Variants in COL21A1 observed in about 807,000 individuals in gnomAD.
The protein encoded by COL21A1 is collagen alpha-1(XXI) chain.
In COL21A1, 149 loss-of-function variants were observed where a neutral mutation model predicts 137.9. The ratio of observed to expected loss-of-function variants is 1.08; its 90% confidence interval spans 0.95 to 1.24. The LOEUF is 1.24. Ranked by LOEUF, COL21A1 falls within the 50% of genes most tolerant of loss-of-function variation. The probability of loss-of-function intolerance (pLI) is 0.00; values close to 1 mark genes in which losing one functional copy is unlikely to be tolerated. For missense variants in COL21A1, 1,167 were observed against 1,158.4 expected, an observed-to-expected ratio of 1.01 and a Z score of -0.11; for synonymous variants, 456 against 391.5, an observed-to-expected ratio of 1.16 and a Z score of -1.95.
At chr6:56,321,788 C>A (rs1313712502) in intron 1 of COL21A1, among the ~76,000 whole-genome samples, 1 of 152,074 alleles carries the variant, frequency 6.6e-6, no homozygotes, top group South Asian at 2.1e-4. Context: ...CGAAGTTGAA[C>A]CCCCTTACAT....
intron 1 of COL21A1, among the ~76,000 whole-genome samples, chr6:56,233,189 CA>C (rs1277467709): frequency 2.6e-5 from 4 of 151,770 alleles, no homozygotes; most frequent in Non-Finnish European, 5.9e-5. Context: ...AAGAAGCAGC[CA>C]TATCCAATAA....
At chr6:56,190,807 T>C (rs1778620398) in intron 1 of COL21A1, among the ~76,000 whole-genome samples, 1 of 152,132 alleles carries the variant, frequency 6.6e-6, no homozygotes, top group Non-Finnish European at 1.5e-5. Flanking sequence ...ATAAATGTGA[T>C]TCATCACATA....
At chr6:56,205,029 G>A (rs186570502) in intron 1 of COL21A1, among the ~76,000 whole-genome samples, 7 of 152,272 alleles carry the variant, frequency 4.6e-5, no homozygotes. Flanking sequence ...AAGATGGGGA[G>A]AAACCAGTGC....
chr6:56,122,312 CTTT>C (rs11410654), intron 16 of COL21A1, among the ~76,000 whole-genome samples: 1 of 143,940 alleles, frequency 6.9e-6, no homozygotes. Context: ...CATGCGGTTT[CTTT>C]TTTTTTTTTT....
intron 23 of COL21A1, among the ~76,000 whole-genome samples, chr6:56,065,260 A>G (rs1189100087): frequency 1.3e-5 from 2 of 152,088 alleles, no homozygotes; most frequent in African/African-American, 2.4e-5. Flanking sequence ...CTAGGAAGAC[A>G]TACACCTAGA....
rs779429115 is a variant in COL21A1, at chr6:56,170,956, ATACCTT to A, written c.807_809+3del. 1 of 1,599,634 alleles carries A rather than the reference ATACCTT, an allele frequency of 6.3e-7. No individual in the cohort carries two copies. The highest frequency in any genetic ancestry group is 1.1e-5 in the South Asian group (1 of 88,440). On this transcript the variant is annotated splice_donor_variant and splice_donor_region_variant and coding_sequence_variant and intron_variant, in exon 4 of 30. Coordinates refer to ENST00000244728, the MANE Select transcript of COL21A1 (RefSeq NM_030820.4). LOFTEE classifies it high-confidence loss of function. ...AAAAAGTTGTGTCAACATATAATGC[ATACCTT>A]GTGAGTTCTGATAAATCAACTTTTG... is the stretch of plus-strand genomic sequence containing the variant.
chr6:56,084,663 C>T (rs970844358), intron 17 of COL21A1, among the ~76,000 whole-genome samples: 1 of 152,032 alleles, frequency 6.6e-6, no homozygotes, highest in Admixed American at 6.6e-5. Flanking sequence ...TTGGCCCACA[C>T]AAATTTCTTG....
upstream of COL21A1, among the ~76,000 whole-genome samples, chr6:56,252,556 T>C (rs1362890451): frequency 6.6e-6 from 1 of 152,152 alleles, no homozygotes; most frequent in African/African-American, 2.4e-5. Context: ...AGAGACCAGG[T>C]ATCAGGAACT....
chr6:56,064,121 A>C (rs981063573), intron 24 of COL21A1, among the ~76,000 whole-genome samples: 1 of 152,096 alleles, frequency 6.6e-6, no homozygotes, highest in African/African-American at 2.4e-5. Flanking sequence ...ATAGCATTTT[A>C]ATATATCTCC....
chr6:56,121,469 T>G (rs1157640455), intron 16 of COL21A1, among the ~76,000 whole-genome samples: 1 of 141,658 alleles, frequency 7.1e-6, no homozygotes, highest in Non-Finnish European at 1.5e-5. Flanking sequence ...TTTTGTCATA[T>G]GTATATATAT....
chr6:56,138,372 T>C (rs1334852445), intron 12 of COL21A1, among the ~76,000 whole-genome samples: 1 of 151,116 alleles, frequency 6.6e-6, no homozygotes, highest in Non-Finnish European at 1.5e-5. Context: ...CTTCTTAATA[T>C]TACAATAATA....
upstream of COL21A1, among the ~76,000 whole-genome samples, chr6:56,251,244 T>A (rs1782845608): frequency 6.6e-6 from 1 of 152,246 alleles, no homozygotes; most frequent in Non-Finnish European, 1.5e-5. Context: ...TTCAAAAGAA[T>A]AAGCCTAAAT....
At chr6:56,203,289 T>C (rs905100846) in intron 1 of COL21A1, among the ~76,000 whole-genome samples, 5 of 152,004 alleles carry the variant, frequency 3.3e-5, no homozygotes, top group African/African-American at 9.7e-5. Context: ...ACTTAGAAAA[T>C]ACAGTGTTAG....
At position 56,060,055 on chromosome 6, in the gene COL21A1, C is replaced by T; in HGVS notation, c.2571G>A (p.Val857=). ...TGACACCTGGACGTCCAGGGACACCCACTAATCCAGGAACACCATCTCTTC... is the reference window on the plus strand; with the variant it reads ...TGACACCTGGACGTCCAGGGACACCTACTAATCCAGGAACACCATCTCTTC... ...LPGRDGVPGL[V]GVPGRPGVRG... The change falls in exon 28 of 30, where the codon GTG becomes GTA. Residue 857 remains valine (V), a synonymous_variant. Coordinates refer to ENST00000244728, the MANE Select transcript of COL21A1 (RefSeq NM_030820.4). 1.9e-6 allele frequency: 3 copies of T among 1,609,210 alleles called. No individual in the cohort carries two copies. Among genetic ancestry groups the T allele is most frequent in the African/African-American group, 1.3e-5 (1 of 74,752 alleles).
intron 1 of COL21A1, among the ~76,000 whole-genome samples, chr6:56,273,769 C>A (rs1194198438): frequency 6.6e-6 from 1 of 152,098 alleles, no homozygotes; most frequent in Non-Finnish European, 1.5e-5. Flanking sequence ...AGATTCCTAG[C>A]CAAATTCTAC....
At chr6:56,278,866 C>T (rs571435875) in intron 1 of COL21A1, among the ~76,000 whole-genome samples, 1 of 152,296 alleles carries the variant, frequency 6.6e-6, no homozygotes, top group Admixed American at 6.5e-5. Flanking sequence ...TAATGAAATA[C>T]TCTAATTTCC....
chr6:56,078,591 G>T (rs1042742576), intron 17 of COL21A1, among the ~76,000 whole-genome samples: 7 of 151,622 alleles, frequency 4.6e-5, no homozygotes. Context: ...CTATTGCAGG[G>T]AGAATCTGCC....
intron 12 of COL21A1, among the ~76,000 whole-genome samples, chr6:56,136,440 G>A (rs1360110988): frequency 6.6e-6 from 1 of 152,120 alleles, no homozygotes; most frequent in Non-Finnish European, 1.5e-5. Context: ...AAATATTTGG[G>A]GGAGTCACAC....
intron 1 of COL21A1, among the ~76,000 whole-genome samples, chr6:56,358,537 G>A (rs1765891037): frequency 6.6e-6 from 1 of 152,084 alleles, no homozygotes; most frequent in South Asian, 2.1e-4. Context: ...AACAGCCTAA[G>A]GAGGCAGAAA....
Sources: allele counts gnomAD v4.1 joint callset (sites outside exome capture counted in the v4.1 genomes callset), GRCh38; gene constraint gnomAD v4.1.1; transcripts MANE v1.5; gene names NCBI Gene and HGNC (gene_info 2026-07-23, HGNC 2026-07-21).